DPP6: variants seen among roughly 807,000 people sequenced by gnomAD.
The protein encoded by DPP6 is dipeptidyl peptidase like 6.
A neutral mutation model predicts 122.6 loss-of-function variants in DPP6; 69 were observed. The observed-to-expected ratio is 0.56, with a 90% CI of 0.46 to 0.69. DPP6 has a LOEUF of 0.69. Ranked by LOEUF, DPP6 falls within the 30% of genes least tolerant of loss-of-function variation. The probability of loss-of-function intolerance (pLI) is 0.00; values close to 1 mark genes in which losing one functional copy is unlikely to be tolerated. For missense variants in DPP6, 928 were observed against 1,116.9 expected, an observed-to-expected ratio of 0.83 and a Z score of 2.41; for synonymous variants, 418 against 433.1, an observed-to-expected ratio of 0.97 and a Z score of 0.43.
intron 1 of DPP6, among the ~76,000 whole-genome samples, chr7:154,129,195 A>G (rs1308528735): frequency 6.6e-6 from 1 of 152,134 alleles, no homozygotes; most frequent in African/African-American, 2.4e-5. Context: ...CTGGTCAGGA[A>G]CTTAATGAAC....
chr7:153,798,881 G>T, the DPP6 span, among the ~76,000 whole-genome samples: 1 of 152,154 alleles, frequency 6.6e-6, no homozygotes, highest in Non-Finnish European at 1.5e-5. Context: ...ATTCTCATAA[G>T]GAGTGCACAG....
At chr7:154,668,219 A>ATATATATATATAT (rs1554430259) in intron 6 of DPP6, among the ~76,000 whole-genome samples, 57 of 54,332 alleles carry the variant, frequency 1.0e-3, no homozygotes, top group East Asian at 2.5e-3. Context: ...ATATATATAT[A>ATATATATATATAT]ATATACACAT....
At chr7:154,353,955 C>G (rs907987602) in intron 1 of DPP6, among the ~76,000 whole-genome samples, 8 of 152,132 alleles carry the variant, frequency 5.3e-5, no homozygotes, top group Admixed American at 5.2e-4. Context: ...GAGAATTCTC[C>G]CTGAAGTCCT....
Position 154,718,463 on chromosome 7 carries a change from G to A in DPP6, c.763-9304G>A, listed in dbSNP as rs116240510. Reference sequence around the variant, plus strand: ...ATTGGGGTCTAATTTCATTCTTCACGTCAAGATTACTTTGAATAAAACTTC... The same window carrying A: ...ATTGGGGTCTAATTTCATTCTTCACATCAAGATTACTTTGAATAAAACTTC... On this transcript the variant is annotated intron_variant, in intron 7 of 25. Coordinates refer to ENST00000377770, the MANE Select transcript of DPP6 (RefSeq NM_130797.4). Among the ~76,000 whole-genome samples the A allele has an allele frequency of 4.7e-3, 713 of 151,884 alleles. 10 individuals carry two copies. Among genetic ancestry groups the A allele is most frequent in the African/African-American group, 0.016 (651 of 41,380 alleles).
chr7:154,862,945 G>A (rs1198230620), intron 17 of DPP6, among the ~76,000 whole-genome samples: 1 of 152,214 alleles, frequency 6.6e-6, no homozygotes, highest in Non-Finnish European at 1.5e-5. Flanking sequence ...GCTCACACCT[G>A]TAATCCCACG....
chr7:154,796,233 G>A (rs1368843740), intron 12 of DPP6: 1 of 226,562 alleles, frequency 4.4e-6, no homozygotes, highest in East Asian at 9.0e-5. Context: ...TATAGTAAAA[G>A]GGTGGAAAAG....
intron 1 of DPP6, among the ~76,000 whole-genome samples, chr7:154,129,899 CAAA>C (rs753343107): frequency 1.8e-5 from 2 of 108,332 alleles, no homozygotes; most frequent in Non-Finnish European, 1.9e-5. Flanking sequence ...GACTCTGTCT[CAAA>C]AAAAAAAAAA....
At position 154,366,010 on chromosome 7, in the gene DPP6, A is replaced by G. The variant is rs187513675; in HGVS notation, c.244-80204A>G. On this transcript the variant is annotated intron_variant, in intron 1 of 25. Coordinates refer to ENST00000377770, the MANE Select transcript of DPP6 (RefSeq NM_130797.4). ...GAAGGGGAAAGGGAGCCTTGTCTCTATCTTCCGGGGTAAGCCTGCGCTGCT... is the reference window on the plus strand; with the variant it reads ...GAAGGGGAAAGGGAGCCTTGTCTCTGTCTTCCGGGGTAAGCCTGCGCTGCT... Among the ~76,000 whole-genome samples, 34 of 150,540 alleles carry G rather than the reference A, an allele frequency of 2.3e-4. No homozygotes were observed. In the East Asian group the frequency reaches 5.5e-3, roughly 24 times the overall value.
chr7:154,308,449 T>G (rs1348881506), intron 1 of DPP6, among the ~76,000 whole-genome samples: 1 of 152,208 alleles, frequency 6.6e-6, no homozygotes, highest in Non-Finnish European at 1.5e-5. Context: ...ATGCTAAAGT[T>G]TATTTTTAAA....
chr7:154,888,111 T>A (rs895207315), intron 23 of DPP6, among the ~76,000 whole-genome samples: 1 of 140,564 alleles, frequency 7.1e-6, no homozygotes, highest in South Asian at 2.3e-4. Flanking sequence ...TTTTTTGAGA[T>A]GGAGTCTTGC....
At chr7:154,352,050 A>C (rs1810904067) in intron 1 of DPP6, among the ~76,000 whole-genome samples, 1 of 152,002 alleles carries the variant, frequency 6.6e-6, no homozygotes, top group African/African-American at 2.4e-5. Context: ...GGTGGCCAGC[A>C]CTGGCGGCCA....
intron 1 of DPP6, among the ~76,000 whole-genome samples, chr7:154,085,565 G>T (rs1804348465): frequency 1.3e-5 from 2 of 152,118 alleles, no homozygotes; most frequent in Non-Finnish European, 2.9e-5. Context: ...CTTGTTTTCT[G>T]GAACTGTGAT....
At chr7:154,591,289 C>T (rs1196787904) in intron 5 of DPP6, among the ~76,000 whole-genome samples, 1 of 152,176 alleles carries the variant, frequency 6.6e-6, no homozygotes. Context: ...GAAATGAGCT[C>T]TTGCTAGAGA....
chr7:153,906,257 T>C (rs1398097652), intron 1 of DPP6, among the ~76,000 whole-genome samples: 1 of 152,170 alleles, frequency 6.6e-6, no homozygotes, highest in Non-Finnish European at 1.5e-5. Context: ...GCGGATATAG[T>C]GTGTGGTGGT....
intron 7 of DPP6, among the ~76,000 whole-genome samples, chr7:154,708,502 A>G (rs1358561038): frequency 6.6e-6 from 1 of 152,164 alleles, no homozygotes; most frequent in African/African-American, 2.4e-5. Context: ...CAATTTGTAC[A>G]GTTCTTTGAT....
At chr7:154,739,700 G>A (rs915788551) in intron 8 of DPP6, among the ~76,000 whole-genome samples, 5 of 152,266 alleles carry the variant, frequency 3.3e-5, no homozygotes, top group African/African-American at 1.2e-4. Flanking sequence ...GCGAAGGTTC[G>A]TAATTGTCAC....
At chr7:154,587,555 G>A (rs759604942) in intron 5 of DPP6, 82 of 1,380,954 alleles carry the variant, frequency 5.9e-5, no homozygotes, top group Admixed American at 5.0e-5. Flanking sequence ...TTTGTTTCTC[G>A]ATCCCCAACT....
intron 3 of DPP6, among the ~76,000 whole-genome samples, chr7:154,487,799 A>C (rs2151381622): frequency 6.6e-6 from 1 of 152,312 alleles, no homozygotes; most frequent in Middle Eastern, 3.4e-3. Flanking sequence ...ATTAATTATC[A>C]TTGACATCTT....
chr7:154,362,324 C>T (rs1360141340), intron 1 of DPP6, among the ~76,000 whole-genome samples: 1 of 152,168 alleles, frequency 6.6e-6, no homozygotes, highest in Non-Finnish European at 1.5e-5. Context: ...TGCGGGTTCC[C>T]AGGTGAACAC....
Sources: gnomAD v4.1 joint callset for allele counts (sites outside exome capture counted in the v4.1 genomes callset) on GRCh38, gnomAD v4.1.1 for gene constraint, MANE v1.5 for transcripts, NCBI Gene and HGNC (gene_info 2026-07-23, HGNC 2026-07-21) for gene names.